Variants in LEPR observed in about 807,000 individuals in gnomAD.
LEPR encodes the protein OB receptor.
LEPR carries 56 observed loss-of-function variants against 114.7 expected under a neutral mutation model. The ratio of observed to expected loss-of-function variants is 0.49; its 90% CI spans 0.39 to 0.61. The LOEUF is 0.61. Among genes scored for constraint, LEPR ranks in the 20% least tolerant of loss-of-function variants. The pLI is 0.00. For synonymous variants in LEPR, 443 were observed against 461.4 expected, an observed-to-expected ratio of 0.96 and a Z score of 0.51; for missense variants, 1,202 against 1,352.9, an observed-to-expected ratio of 0.89 and a Z score of 1.75.
At chr1:65,543,267 A>C (rs1480642940) in intron 2 of LEPR, among the ~76,000 whole-genome samples, 3 of 151,802 alleles carry the variant, frequency 2.0e-5, no homozygotes, top group Non-Finnish European at 4.4e-5. Context: ...TCTTCTTCTG[A>C]GTAGTGTCTG....
chr1:65,555,762 G>T (rs1337636903), intron 2 of LEPR, among the ~76,000 whole-genome samples: 1 of 152,114 alleles, frequency 6.6e-6, no homozygotes, highest in Non-Finnish European at 1.5e-5. Context: ...TTTTTGTTGT[G>T]AGAGTAGAGC....
chr1:65,596,315 T>G (rs1656061132), intron 6 of LEPR, 133 bp from the exon 7 acceptor site: 1 of 1,075,974 alleles, frequency 9.3e-7, no homozygotes, highest in South Asian at 1.4e-5. Flanking sequence ...CTATAATTAG[T>G]CCTTGGATAA....
At chr1:65,533,881 C>A (rs1650575136) in intron 2 of LEPR, among the ~76,000 whole-genome samples, 1 of 152,056 alleles carries the variant, frequency 6.6e-6, no homozygotes, top group Non-Finnish European at 1.5e-5. Flanking sequence ...CACCAGCTTT[C>A]TTTTGTTCCG....
At chr1:65,554,209 C>G (rs1001349179) in intron 2 of LEPR, among the ~76,000 whole-genome samples, 2 of 152,178 alleles carry the variant, frequency 1.3e-5, no homozygotes, top group Non-Finnish European at 2.9e-5. Flanking sequence ...AGGAGGCAGC[C>G]TGTCCTTTAG....
intron 2 of LEPR, among the ~76,000 whole-genome samples, chr1:65,440,201 T>G (rs1371540988): frequency 6.6e-6 from 1 of 152,014 alleles, no homozygotes; most frequent in Non-Finnish European, 1.5e-5. Flanking sequence ...AGGTCTACTC[T>G]TTCGATTCTT....
chr1:65,550,855 G>A (rs1652276169), intron 2 of LEPR, among the ~76,000 whole-genome samples: 1 of 152,108 alleles, frequency 6.6e-6, no homozygotes, highest in African/African-American at 2.4e-5. Flanking sequence ...GCACTCCCTA[G>A]TGAGATGAAC....
chr1:65,636,869 G>A lies in LEPR; in HGVS notation c.3352G>A (p.Asp1118Asn). 6.2e-7 allele frequency: 1 copy of A among 1,609,794 alleles called. No homozygotes were observed. Among genetic ancestry groups the A allele is most frequent in the Non-Finnish European group, 8.5e-7 (1 of 1,178,070 alleles). ...ATTCACGGACATCAGAGTTCTCCAG[G>A]ACAGTTGCTCACACTTTGTAGAAAA... ...CLFTDIRVLQ[D>N]SCSHFVENNI... The change falls in exon 20 of 20, where the codon GAC becomes AAC. Residue 1118 changes from aspartate (D) to asparagine (N), a missense_variant. By Grantham distance (23) the Asp-to-Asn change is conservative. Transcript: ENST00000349533.
chr1:65,518,847 T>G (rs1002362532), intron 2 of LEPR, among the ~76,000 whole-genome samples: 8 of 135,940 alleles, frequency 5.9e-5, no homozygotes, highest in Non-Finnish European at 1.2e-4. Context: ...TTCTTTTTTC[T>G]TTTTCTCTTT....
chr1:65,583,002 G>T (rs1241922473), intron 5 of LEPR, among the ~76,000 whole-genome samples: 1 of 151,862 alleles, frequency 6.6e-6, no homozygotes, highest in African/African-American at 2.4e-5. Context: ...AGAGGGTCTG[G>T]ATTACTCTCC....
intron 2 of LEPR, chr1:65,525,775 C>A (rs1038650020): frequency 1.0e-6 from 1 of 986,174 alleles, no homozygotes; most frequent in African/African-American, 1.7e-5. Context: ...GCCCCGGCGC[C>A]GCCGCCATCT....
chr1:65,579,758 T>C (rs2100843481), intron 5 of LEPR, among the ~76,000 whole-genome samples: 1 of 152,282 alleles, frequency 6.6e-6, no homozygotes, highest in East Asian at 1.9e-4. Context: ...TTCTATTATG[T>C]ATATATTATA....
intron 19 of LEPR, among the ~76,000 whole-genome samples, chr1:65,631,308 G>A (rs1414512716): frequency 6.6e-6 from 1 of 151,970 alleles, no homozygotes; most frequent in Non-Finnish European, 1.5e-5. Flanking sequence ...CTTCCATTAG[G>A]CCCCAGTTTC....
intron 5 of LEPR, among the ~76,000 whole-genome samples, chr1:65,582,659 C>G (rs1399570027): frequency 6.6e-6 from 1 of 152,168 alleles, no homozygotes; most frequent in Admixed American, 6.5e-5. Context: ...TGCACTTTTC[C>G]TCTCTTCTTT....
chr1:65,435,057 G>A, intron 2 of LEPR: 1 of 985,444 alleles, frequency 1.0e-6, no homozygotes, highest in Non-Finnish European at 1.2e-6. Context: ...CAGAGAATGG[G>A]AGAACGGAAT....
At chr1:65,446,699 A>G (rs1040122221) in intron 2 of LEPR, among the ~76,000 whole-genome samples, 4 of 152,112 alleles carry the variant, frequency 2.6e-5, no homozygotes, top group Non-Finnish European at 5.9e-5. Context: ...CTCATTTGCA[A>G]ATATTTATCC....
chr1:65,442,495 C>T (rs188063214), intron 2 of LEPR, among the ~76,000 whole-genome samples: 3 of 152,272 alleles, frequency 2.0e-5, no homozygotes, highest in Admixed American at 1.3e-4. Context: ...AACCCAACCA[C>T]CTTGGGCACA....
chr1:65,470,406 G>A (rs1289185394), intron 2 of LEPR, among the ~76,000 whole-genome samples: 2 of 152,218 alleles, frequency 1.3e-5, no homozygotes, highest in African/African-American at 4.8e-5. Context: ...CAATGTTGAA[G>A]TTGATATTTT....
intron 2 of LEPR, among the ~76,000 whole-genome samples, chr1:65,436,523 A>T (rs777264098): frequency 4.8e-4 from 73 of 152,256 alleles, no homozygotes; most frequent in Non-Finnish European, 9.1e-4. Flanking sequence ...TTTTAATAGA[A>T]ATAGAAATAA....
At chr1:65,551,588 AT>A in intron 2 of LEPR, among the ~76,000 whole-genome samples, 1 of 151,354 alleles carries the variant, frequency 6.6e-6, no homozygotes, top group South Asian at 2.1e-4. Flanking sequence ...TGTCTATTTG[AT>A]TCTTCTCTCT....
Sources: gnomAD v4.1 joint callset for allele counts (sites outside exome capture counted in the v4.1 genomes callset) on GRCh38, gnomAD v4.1.1 for gene constraint, MANE v1.5 for transcripts, NCBI Gene and HGNC (gene_info 2026-07-23, HGNC 2026-07-21) for gene names.